KRTAP9-3: variants seen among roughly 807,000 people sequenced by gnomAD.
KRTAP9-3 encodes keratin associated protein 9-3.
Under a neutral mutation model 13.0 loss-of-function variants are expected in KRTAP9-3, and 12 were observed. That is an observed-to-expected ratio of 0.93 (90% CI 0.59 to 1.50). The LOEUF is 1.50. Ranked by LOEUF, KRTAP9-3 falls within the 40% of genes most tolerant of loss-of-function variation. The probability of loss-of-function intolerance (pLI) is 0.00; values close to 1 mark genes in which losing one functional copy is unlikely to be tolerated. For synonymous variants in KRTAP9-3, 89 were observed against 68.7 expected, an observed-to-expected ratio of 1.29 and a Z score of -1.46; for missense variants, 232 against 195.2, an observed-to-expected ratio of 1.19 and a Z score of -1.12.
In KRTAP9-3 at chr17:41,233,173, T is replaced by C; in HGVS notation, c.*192T>C. 1 of 942,702 alleles carries C rather than the reference T, an allele frequency of 1.1e-6. No homozygotes were observed. Among genetic ancestry groups the C allele is most frequent in the South Asian group, 1.7e-5 (1 of 59,780 alleles). 58.4% of individuals were successfully genotyped at this position (942,702 alleles called of 1,614,324 possible). On this transcript the variant is annotated 3_prime_UTR_variant, in exon 1 of 1. Transcript: ENST00000411528. Reference sequence around the variant, plus strand: ...GAATACTTCATCCTCATTCCCTCTTTCCTTACACCTTGTGGATCATGTGCC... The same window carrying C: ...GAATACTTCATCCTCATTCCCTCTTCCCTTACACCTTGTGGATCATGTGCC...
Position 41,232,607 on chromosome 17 carries a change from T to C in KRTAP9-3, c.106T>C (p.Ser36Pro), listed in dbSNP as rs539375755. The C allele has an allele frequency of 3.7e-6, 6 of 1,602,354 alleles. No homozygotes were observed. The East Asian group carries it at 1.1e-4, about 30-fold the overall frequency. ...CAGCAGCACACCCTGCTGTCAGCCC[T>C]CCTGCTGTGTTTCCAGCTGCTGCCA... ...TCSSTPCCQP[S>P]CCVSSCCQPC... The change falls in exon 1 of 1, where the codon TCC (serine) becomes CCC (proline). Residue 36 changes from serine (S) to proline (P), a missense_variant. Ser to Pro is a moderately conservative substitution (Grantham distance 74). Coordinates refer to ENST00000411528, the MANE Select transcript of KRTAP9-3 (RefSeq NM_031962.3).
In KRTAP9-3 at chr17:41,233,446, T is replaced by C. The variant is rs77345673; in HGVS notation, c.*465T>C. 10,991 of 124,426 alleles carry C rather than the reference T, an allele frequency of 0.088. No individual in the cohort carries two copies. Among genetic ancestry groups the C allele is most frequent in the South Asian group, 0.18 (1,100 of 6,094 alleles). The allele number at this position is 124,426 out of a possible 1,614,324, so 7.7% of individuals were successfully genotyped here. A position where few individuals can be genotyped will look rare whatever the true frequency, so the allele number is the denominator to read the frequency against. On this transcript the variant is annotated 3_prime_UTR_variant, in exon 1 of 1. Transcript: ENST00000411528. ...GTTTCTGAATAAACTCTGAACCATC[T>C]TCATCTCATATAGTGTTTTGTTTTA...
At position 41,233,055 on chromosome 17, in the gene KRTAP9-3, T is replaced by A; in HGVS notation, c.*74T>A. On this transcript the variant is annotated 3_prime_UTR_variant, in exon 1 of 1. Coordinates refer to ENST00000411528, the MANE Select transcript of KRTAP9-3 (RefSeq NM_031962.3). ...CTGACTTGTCTTTTGAGGGACTAATTTACTTTGCTGCTGACAGCCACCATG... is the reference window on the plus strand; with the variant it reads ...CTGACTTGTCTTTTGAGGGACTAATATACTTTGCTGCTGACAGCCACCATG... 6.3e-7 allele frequency: 1 copy of A among 1,577,796 alleles called. No individual in the cohort carries two copies. The highest frequency in any genetic ancestry group is 8.6e-7 in the Non-Finnish European group (1 of 1,163,148).
chr17:41,233,277 G>A lies in KRTAP9-3; in HGVS notation c.*296G>A, dbSNP rs774519545. 1.3e-5 allele frequency: 7 copies of A among 527,190 alleles called. No individual in the cohort carries two copies. Among genetic ancestry groups the A allele is most frequent in the African/African-American group, 4.3e-5 (2 of 46,564 alleles). 32.7% of individuals were successfully genotyped at this position (527,190 alleles called of 1,614,324 possible). ...AAGAGCTTCATTCTTTGCTTCTAAG[G>A]AATTTAGGTTTCTGCAACTGATCAA... On this transcript the variant is annotated 3_prime_UTR_variant, in exon 1 of 1. Coordinates refer to ENST00000411528, the MANE Select transcript of KRTAP9-3 (RefSeq NM_031962.3).
Position 41,232,989 on chromosome 17 carries a change from C to T in KRTAP9-3, c.*8C>T. 6.2e-7 allele frequency: 1 copy of T among 1,608,370 alleles called. No homozygotes were observed. The highest frequency in any genetic ancestry group is 8.5e-7 in the Non-Finnish European group (1 of 1,179,510). On this transcript the variant is annotated 3_prime_UTR_variant, in exon 1 of 1. Transcript: ENST00000411528. ...CAGCCTTCTTGCTGCTAATCAACTCCCAAGAGAACTACCATCCTCACACAA... is the reference window on the plus strand; with the variant it reads ...CAGCCTTCTTGCTGCTAATCAACTCTCAAGAGAACTACCATCCTCACACAA...
rs577968370 is a variant in KRTAP9-3, at chr17:41,232,793, C to A, written c.292C>A (p.Pro98Thr). The A allele has an allele frequency of 6.2e-7, 1 of 1,608,170 alleles. No homozygotes were observed. The highest frequency in any genetic ancestry group is 1.4e-5 in the African/African-American group (1 of 69,320). The part of the protein sequence containing the change: ...SSCGQSSSCA[P>T]VYCRRTCYHP... ...CTGTGGTCAGAGCAGCTCCTGTGCA[C>A]CTGTGTACTGCAGAAGAACCTGCTA... The change falls in exon 1 of 1, where the codon CCT (proline) becomes ACT (threonine). Residue 98 changes from proline (P) to threonine (T), a missense_variant. Physicochemically the swap from Pro to Thr is conservative, Grantham distance 38. Coordinates refer to ENST00000411528, the MANE Select transcript of KRTAP9-3 (RefSeq NM_031962.3).
Position 41,233,177 on chromosome 17 carries a change from T to C in KRTAP9-3, c.*196T>C. On this transcript the variant is annotated 3_prime_UTR_variant, in exon 1 of 1. Transcript: ENST00000411528. The stretch of plus-strand genomic sequence containing the variant: ...ACTTCATCCTCATTCCCTCTTTCCT[T>C]ACACCTTGTGGATCATGTGCCAGCT... 1 of 940,170 alleles carries C rather than the reference T, an allele frequency of 1.1e-6. No individual in the cohort carries two copies. The highest frequency in any genetic ancestry group is 1.6e-6 in the Non-Finnish European group (1 of 629,656). 58.2% of individuals were successfully genotyped at this position (940,170 alleles called of 1,614,324 possible).
At position 41,232,789 on chromosome 17, in the gene KRTAP9-3, T is replaced by G. The variant is rs375478964; in HGVS notation, c.288T>G (p.Cys96Trp). Residue 96 changes from cysteine to tryptophan, a missense_variant, in exon 1 of 1, where the codon TGT becomes TGG. Transcript: ENST00000411528. Reference sequence around the variant, plus strand: ...CCAGCTGTGGTCAGAGCAGCTCCTGTGCACCTGTGTACTGCAGAAGAACCT... The same window carrying G: ...CCAGCTGTGGTCAGAGCAGCTCCTGGGCACCTGTGTACTGCAGAAGAACCT... ...CGSSCGQSSS[C>W]APVYCRRTCY... The G allele has an allele frequency of 1.9e-6, 3 of 1,608,152 alleles. No individual in the cohort carries two copies. In the African/African-American group the frequency reaches 4.3e-5, roughly 23 times the overall value.
rs367629677 is a variant in KRTAP9-3 at position 41,232,924 on chromosome 17, G to A, written c.423G>A (p.Arg141=). 2.9e-5 allele frequency: 47 copies of A among 1,608,452 alleles called. No homozygotes were observed. Among genetic ancestry groups the A allele is most frequent in the Middle Eastern group, 3.3e-4 (2 of 6,084 alleles). Residue 141 remains arginine, a synonymous_variant, in exon 1 of 1, where the codon AGG becomes AGA. Transcript: ENST00000411528. Reference sequence around the variant, plus strand: ...CCTGCTGTGAGACCACCTGCTGCAGGACCACTTGTTTCCAGCCCACCTGTG... The same window carrying A: ...CCTGCTGTGAGACCACCTGCTGCAGAACCACTTGTTTCCAGCCCACCTGTG... The part of the protein sequence containing the change: ...RPACCETTCC[R]TTCFQPTCVY...
chr17:41,232,473 A>G lies in KRTAP9-3; in HGVS notation c.-29A>G, dbSNP rs775138257. The G allele has an allele frequency of 6.2e-7, 1 of 1,601,528 alleles. No individual in the cohort carries two copies. The highest frequency in any genetic ancestry group is 1.7e-5 in the Admixed American group (1 of 59,772). Reference sequence around the variant, plus strand: ...CAGATTTTGGGAAACTCACCTCTTAACAGAAGCCCACCCTCCATCCCTGAC... The same window carrying G: ...CAGATTTTGGGAAACTCACCTCTTAGCAGAAGCCCACCCTCCATCCCTGAC... On this transcript the variant is annotated 5_prime_UTR_variant, in exon 1 of 1. Transcript: ENST00000411528.
chr17:41,232,829 A>C lies in KRTAP9-3; in HGVS notation c.328A>C (p.Ser110Arg). 6.2e-7 allele frequency: 1 copy of C among 1,607,128 alleles called. No homozygotes were observed. Among genetic ancestry groups the C allele is most frequent in the Non-Finnish European group, 8.5e-7 (1 of 1,179,678 alleles). Residue 110 changes from serine (S) to arginine (R), a missense_variant, in exon 1 of 1, where the codon AGT becomes CGT. Coordinates refer to ENST00000411528, the MANE Select transcript of KRTAP9-3 (RefSeq NM_031962.3). ...CAGAAGAACCTGCTACCACCCCACA[A>C]GTGTTTGTCTGCCTGGTTGCCTAAA... Reference protein sequence around the residue: ...YCRRTCYHPTSVCLPGCLNQS... With the variant: ...YCRRTCYHPTRVCLPGCLNQS...
Position 41,233,099 on chromosome 17 carries a change from T to C in KRTAP9-3, c.*118T>C. The C allele has an allele frequency of 6.7e-7, 1 of 1,493,916 alleles. No homozygotes were observed. The highest frequency in any genetic ancestry group is 9.0e-7 in the Non-Finnish European group (1 of 1,107,160). The allele number at this position is 1,493,916 out of a possible 1,614,324, so 92.5% of individuals were successfully genotyped here. ...CACCATGCTCTCACCCAAATTTTTA[T>C]GAATTCTCTACATGTTTAAAATCTT... On this transcript the variant is annotated 3_prime_UTR_variant, in exon 1 of 1. Coordinates refer to ENST00000411528, the MANE Select transcript of KRTAP9-3 (RefSeq NM_031962.3).
chr17:41,232,953 A>C lies in KRTAP9-3; in HGVS notation c.452A>C (p.Tyr151Ser), dbSNP rs114014201. The change falls in exon 1 of 1, where the codon TAC becomes TCC. Residue 151 changes from tyrosine (Y) to serine (S), a missense_variant. Tyr to Ser is a moderately radical substitution (Grantham distance 144, BLOSUM62 -2). Coordinates refer to ENST00000411528, the MANE Select transcript of KRTAP9-3 (RefSeq NM_031962.3). The stretch of plus-strand genomic sequence containing the variant: ...ACTTGTTTCCAGCCCACCTGTGTGT[A>C]CAGCTGCTGCCAGCCTTCTTGCTGC... ...RTTCFQPTCVYSCCQPSCC is the reference protein window; with the variant it reads ...RTTCFQPTCVSSCCQPSCC The C allele has an allele frequency of 3.5e-3, 5,582 of 1,585,724 alleles. 541 individuals carry two copies. Among genetic ancestry groups the C allele is most frequent in the African/African-American group, 0.032 (2,238 of 69,070 alleles).
In KRTAP9-3 at chr17:41,232,774, T is replaced by C. The variant is rs138577655; in HGVS notation, c.273T>C (p.Gly91=). ...CCACATGCTGTGGGTCCAGCTGTGGTCAGAGCAGCTCCTGTGCACCTGTGT... is the reference window on the plus strand; with the variant it reads ...CCACATGCTGTGGGTCCAGCTGTGGCCAGAGCAGCTCCTGTGCACCTGTGT... The part of the protein sequence containing the change: ...CQPTCCGSSC[G]QSSSCAPVYC... The change falls in exon 1 of 1, where the codon GGT becomes GGC. Residue 91 remains glycine (G), a synonymous_variant. Transcript: ENST00000411528. The C allele has an allele frequency of 4.6e-4, 742 of 1,601,416 alleles. 12 individuals carry two copies. Among genetic ancestry groups the C allele is most frequent in the Non-Finnish European group, 5.7e-4 (668 of 1,174,444 alleles).
Position 41,232,855 on chromosome 17 carries a change from C to T in KRTAP9-3, c.354C>T (p.Asn118=). 1 of 1,608,368 alleles carries T rather than the reference C, an allele frequency of 6.2e-7. No homozygotes were observed. Among genetic ancestry groups the T allele is most frequent in the South Asian group, 1.1e-5 (1 of 91,076 alleles). Residue 118 remains asparagine (N), a synonymous_variant, in exon 1 of 1, where the codon AAC becomes AAT. Transcript: ENST00000411528. ...PTSVCLPGCL[N]QSCGSNCCQP... ...GTGTTTGTCTGCCTGGTTGCCTAAA[C>T]CAGAGCTGTGGCTCCAACTGCTGCC...
rs763897957 is a variant in KRTAP9-3, at chr17:41,232,478, A to G, written c.-24A>G. On this transcript the variant is annotated 5_prime_UTR_variant, in exon 1 of 1. Transcript: ENST00000411528. Reference sequence around the variant, plus strand: ...TTTGGGAAACTCACCTCTTAACAGAAGCCCACCCTCCATCCCTGACACCAT... The same window carrying G: ...TTTGGGAAACTCACCTCTTAACAGAGGCCCACCCTCCATCCCTGACACCAT... The G allele has an allele frequency of 5.9e-5, 95 of 1,602,618 alleles. No individual in the cohort carries two copies. Among genetic ancestry groups the G allele is most frequent in the Non-Finnish European group, 7.6e-5 (89 of 1,177,558 alleles).
In KRTAP9-3 at chr17:41,232,839, T is replaced by C. The variant is rs1253536293; in HGVS notation, c.338T>C (p.Leu113Pro). 1 of 1,608,118 alleles carries C rather than the reference T, an allele frequency of 6.2e-7. No homozygotes were observed. The highest frequency in any genetic ancestry group is 1.7e-5 in the Admixed American group (1 of 59,956). The change falls in exon 1 of 1, where the codon CTG becomes CCG. Residue 113 changes from leucine (L) to proline (P), a missense_variant. By Grantham distance (98) the Leu-to-Pro change is moderately conservative (BLOSUM62 -3). Coordinates refer to ENST00000411528, the MANE Select transcript of KRTAP9-3 (RefSeq NM_031962.3). ...TGCTACCACCCCACAAGTGTTTGTC[T>C]GCCTGGTTGCCTAAACCAGAGCTGT... ...RTCYHPTSVCLPGCLNQSCGS... is the reference protein window; with the variant it reads ...RTCYHPTSVCPPGCLNQSCGS...
Position 41,233,253 on chromosome 17 carries a change from A to G in KRTAP9-3, c.*272A>G, listed in dbSNP as rs1365698056. ...GATCTCAGCTTTGTCTCAAAAATCAAGAGCTTCATTCTTTGCTTCTAAGGA... is the reference window on the plus strand; with the variant it reads ...GATCTCAGCTTTGTCTCAAAAATCAGGAGCTTCATTCTTTGCTTCTAAGGA... On this transcript the variant is annotated 3_prime_UTR_variant, in exon 1 of 1. Transcript: ENST00000411528. The G allele has an allele frequency of 1.7e-6, 1 of 590,170 alleles. No individual in the cohort carries two copies. Among genetic ancestry groups the G allele is most frequent in the Admixed American group, 3.4e-5 (1 of 29,654 alleles). 36.6% of individuals were successfully genotyped at this position (590,170 alleles called of 1,614,324 possible).
chr17:41,232,726 C>T lies in KRTAP9-3; in HGVS notation c.225C>T (p.Cys75=). 1.2e-6 allele frequency: 2 copies of T among 1,608,712 alleles called. No homozygotes were observed. The highest frequency in any genetic ancestry group is 1.1e-5 in the South Asian group (1 of 91,072). Residue 75 remains cysteine (C), a synonymous_variant, in exon 1 of 1, where the codon TGC becomes TGT. Coordinates refer to ENST00000411528, the MANE Select transcript of KRTAP9-3 (RefSeq NM_031962.3). ...ICVTSCCQPS[C]CSTPCCQPTC... ...TGACCAGCTGCTGCCAGCCTTCCTG[C>T]TGTAGCACACCCTGCTGCCAGCCCA...
Sources: allele counts gnomAD v4.1 joint callset, GRCh38; gene constraint gnomAD v4.1.1; transcripts MANE v1.5; gene names NCBI Gene and HGNC (gene_info 2026-07-23, HGNC 2026-07-21).